The following YAP1 variants were observed in gnomAD, a reference collection of about 807,000 sequenced individuals.
YAP1 encodes the protein transcriptional coactivator YAP1.
A neutral mutation model predicts 56.9 loss-of-function variants in YAP1; 5 were observed. That is an observed-to-expected ratio of 0.09 (90% CI 0.05 to 0.18). The LOEUF (loss-of-function observed/expected upper bound fraction) is 0.18, where lower values mean the gene tolerates loss of function less well. Ranked by LOEUF, YAP1 falls within the 10% of genes least tolerant of loss-of-function variation. The pLI is 1.00. For missense variants in YAP1, 539 were observed against 651.8 expected, an observed-to-expected ratio of 0.83 and a Z score of 1.88; for synonymous variants, 265 against 248.1, an observed-to-expected ratio of 1.07 and a Z score of -0.64.
chr11:102,169,796 T>C (rs1946803217), intron 3 of YAP1, among the ~76,000 whole-genome samples: 1 of 152,200 alleles, frequency 6.6e-6, no homozygotes, highest in Non-Finnish European at 1.5e-5. Context: ...TTGTTTTATA[T>C]AGCTTGTGGC....
chr11:102,147,332 T>C (rs1945383464), intron 2 of YAP1, among the ~76,000 whole-genome samples: 1 of 152,216 alleles, frequency 6.6e-6, no homozygotes, highest in Admixed American at 6.5e-5. Context: ...ATGTAAATTC[T>C]AGTCTCTATT....
intron 2 of YAP1, among the ~76,000 whole-genome samples, chr11:102,129,084 G>A (rs992598514): frequency 2.6e-5 from 4 of 152,066 alleles, no homozygotes; most frequent in African/African-American, 9.7e-5. Context: ...ATCAGTAATT[G>A]TAAATATGCA....
At chr11:102,130,845 T>C (rs532102500) in intron 2 of YAP1, among the ~76,000 whole-genome samples, 2 of 152,070 alleles carry the variant, frequency 1.3e-5, no homozygotes, top group African/African-American at 4.8e-5. Context: ...CAAAATCATG[T>C]AGTTTGGATG....
In YAP1 at chr11:102,227,547, T is replaced by A; in HGVS notation, c.1242T>A (p.Asp414Glu). ...MSSYSVPRTP[D>E]DFLNSVDEMD... ...GCTACAGTGTCCCTCGAACCCCAGA[T>A]GACTTCCTGAACAGTGTGGATGAGA... The change falls in exon 8 of 9, where the codon GAT becomes GAA. Residue 414 changes from aspartate (D) to glutamate (E), a missense_variant. Asp to Glu is a conservative substitution (Grantham distance 45, BLOSUM62 2). Coordinates refer to ENST00000282441, the MANE Select transcript of YAP1 (RefSeq NM_001130145.3). 1 of 1,613,970 alleles carries A rather than the reference T, an allele frequency of 6.2e-7. No individual in the cohort carries two copies. The highest frequency in any genetic ancestry group is 8.5e-7 in the Non-Finnish European group (1 of 1,179,934).
intron 2 of YAP1, among the ~76,000 whole-genome samples, chr11:102,156,055 C>T (rs544678321): frequency 6.0e-4 from 91 of 151,790 alleles, no homozygotes; most frequent in African/African-American, 2.1e-3. Context: ...TTTTTTTATT[C>T]TGTGCCTAGA....
intron 2 of YAP1, among the ~76,000 whole-genome samples, chr11:102,156,319 G>A (rs1945942491): frequency 6.6e-6 from 1 of 152,170 alleles, no homozygotes; most frequent in Non-Finnish European, 1.5e-5. Flanking sequence ...GAAAGAACAT[G>A]TAAAATTGCT....
In YAP1 at chr11:102,229,959, A is replaced by C; in HGVS notation, c.*19A>C. 1 of 1,604,410 alleles carries C rather than the reference A, an allele frequency of 6.2e-7. No homozygotes were observed. The highest frequency in any genetic ancestry group is 8.5e-7 in the Non-Finnish European group (1 of 1,171,584). ...GTTATAGAGCCCTCAGGCAGACTGA[A>C]TTCTAAATCTGTGAAGGATCTAAGG... On this transcript the variant is annotated 3_prime_UTR_variant, in exon 9 of 9. Transcript: ENST00000282441.
At chr11:102,119,324 A>G (rs1942692) in intron 2 of YAP1, among the ~76,000 whole-genome samples, 1 of 152,114 alleles carries the variant, frequency 6.6e-6, no homozygotes, top group African/African-American at 2.4e-5. Flanking sequence ...ATTCCCTGGG[A>G]AAAATAATGG....
chr11:102,196,860 C>T (rs756740531), intron 4 of YAP1, among the ~76,000 whole-genome samples: 2 of 152,082 alleles, frequency 1.3e-5, no homozygotes, highest in African/African-American at 2.4e-5. Context: ...TAGGTTAGGA[C>T]ACTCGTCTTT....
rs1262176682 is a variant in YAP1, at chr11:102,227,669, A to G, written c.1276+88A>G. 3.0e-5 allele frequency: 26 copies of G among 877,560 alleles called. No homozygotes were observed. In the South Asian group the frequency reaches 3.6e-4, roughly 12 times the overall value. 54.4% of individuals were successfully genotyped at this position (877,560 alleles called of 1,614,324 possible). ...TCATAAGGTATTGTAAGCAAAGATG[A>G]TTCAGAAGAAAACCAATTAAAATCC... On this transcript the variant is annotated intron_variant, in intron 8 of 8. Coordinates refer to ENST00000282441, the MANE Select transcript of YAP1 (RefSeq NM_001130145.3).
At chr11:102,202,168 T>A (rs7942061) in intron 4 of YAP1, among the ~76,000 whole-genome samples, 52,928 of 149,456 alleles carry the variant, frequency 0.35, 9,385 homozygotes, top group African/African-American at 0.4. Context: ...TATTATTATT[T>A]TTTTTTTTTG....
At chr11:102,226,197 A>G (rs1417888593) in intron 7 of YAP1, among the ~76,000 whole-genome samples, 6 of 152,206 alleles carry the variant, frequency 3.9e-5, no homozygotes, top group Non-Finnish European at 7.3e-5. Flanking sequence ...CTTCTCATAT[A>G]TGGCTGCATT....
intron 2 of YAP1, among the ~76,000 whole-genome samples, chr11:102,150,802 G>GTTTTTTTTTTTTT (rs370378973): frequency 4.6e-5 from 5 of 108,068 alleles, no homozygotes; most frequent in Non-Finnish European, 7.4e-5. Context: ...CATACAAATG[G>GTTTTTTTTTTTTT]TTTTTTTTTT....
intron 8 of YAP1, among the ~76,000 whole-genome samples, chr11:102,228,446 C>T (rs1408374290): frequency 1.3e-5 from 2 of 151,576 alleles, no homozygotes; most frequent in African/African-American, 4.8e-5. Flanking sequence ...ACCAGCCTGG[C>T]CAACATGGTG....
rs146195428 is a variant in YAP1, at chr11:102,208,534, G to A, written c.985-983G>A. On this transcript the variant is annotated intron_variant, in intron 5 of 8. Coordinates refer to ENST00000282441, the MANE Select transcript of YAP1 (RefSeq NM_001130145.3). The stretch of plus-strand genomic sequence containing the variant: ...AGAAAGGAAGCATTATTGTACCTCT[G>A]ACTTTCTAACAAATTACCATAAAGG... Among the ~76,000 whole-genome samples, 14 of 151,894 alleles carry A rather than the reference G, an allele frequency of 9.2e-5. No homozygotes were observed. In the East Asian group the frequency reaches 2.7e-3, roughly 29 times the overall value.
At chr11:102,162,137 T>C (rs1190986753) in intron 2 of YAP1, among the ~76,000 whole-genome samples, 2 of 152,250 alleles carry the variant, frequency 1.3e-5, no homozygotes, top group African/African-American at 4.8e-5. Flanking sequence ...GGTTACTCTT[T>C]TAGTTTACAA....
intron 2 of YAP1, among the ~76,000 whole-genome samples, chr11:102,149,203 C>T (rs998009617): frequency 6.6e-6 from 1 of 152,148 alleles, no homozygotes; most frequent in Non-Finnish European, 1.5e-5. Context: ...TGCTATGTAA[C>T]CTGAGCACAT....
At chr11:102,186,382 T>C (rs1426342989) in intron 4 of YAP1, 1 of 367,806 alleles carries the variant, frequency 2.7e-6, no homozygotes, top group African/African-American at 2.2e-5. Context: ...CTAACCAGAA[T>C]CACTTGTTCC....
At chr11:102,150,967 A>AT (rs1414184505) in intron 2 of YAP1, among the ~76,000 whole-genome samples, 3 of 151,478 alleles carry the variant, frequency 2.0e-5, no homozygotes, top group Non-Finnish European at 4.4e-5. Context: ...TGCCGAACTA[A>AT]TTTTTGTATT....
Sources: gnomAD v4.1 joint callset for allele counts (sites outside exome capture counted in the v4.1 genomes callset) on GRCh38, gnomAD v4.1.1 for gene constraint, MANE v1.5 for transcripts, NCBI Gene and HGNC (gene_info 2026-07-23, HGNC 2026-07-21) for gene names.